MOB1B: variants seen among roughly 807,000 people sequenced by gnomAD.
The protein encoded by MOB1B is MOB kinase activator 1B.
Under a neutral mutation model 24.4 loss-of-function variants are expected in MOB1B, and 19 were observed. That is an observed-to-expected ratio of 0.78 (90% CI 0.54 to 1.14). The LOEUF (loss-of-function observed/expected upper bound fraction) is 1.14, where lower values mean the gene tolerates loss of function less well. MOB1B is among the 50% of genes most tolerant of loss of function. The pLI, the probability that MOB1B is intolerant of heterozygous loss-of-function variation, is 0.00. For missense variants in MOB1B, 243 were observed against 259.6 expected, an observed-to-expected ratio of 0.94 and a Z score of 0.44; for synonymous variants, 76 against 82.1, an observed-to-expected ratio of 0.93 and a Z score of 0.40.
At chr4:70,952,621 C>T (rs1242317155) in intron 1 of MOB1B, among the ~76,000 whole-genome samples, 44 of 132,822 alleles carry the variant, frequency 3.3e-4, no homozygotes, top group African/African-American at 4.4e-4. Context: ...CCAGCCTGGG[C>T]GACAGAGCGA....
intron 1 of MOB1B, among the ~76,000 whole-genome samples, chr4:70,905,664 A>G (rs145923476): frequency 3.9e-5 from 6 of 152,260 alleles, no homozygotes; most frequent in African/African-American, 1.4e-4. Flanking sequence ...CGATCAGTGG[A>G]TGGAGCAGAG....
intron 1 of MOB1B, among the ~76,000 whole-genome samples, chr4:70,908,893 T>C (rs576718915): frequency 6.8e-4 from 99 of 145,244 alleles, no homozygotes; most frequent in African/African-American, 2.3e-3. Flanking sequence ...CTACTAAAAA[T>C]AGAAAAAAGT....
intron 1 of MOB1B, among the ~76,000 whole-genome samples, chr4:70,943,434 A>G (rs1350685287): frequency 6.6e-6 from 1 of 152,196 alleles, no homozygotes. Context: ...ATCATTTCTT[A>G]TAGTTAATCA....
intron 4 of MOB1B, 116 bp downstream of exon 4, chr4:70,975,402 AT>A: frequency 6.8e-7 from 1 of 1,467,140 alleles, no homozygotes; most frequent in Admixed American, 2.5e-5. Context: ...CTGTGTTGAT[AT>A]ATGTATATGT....
chr4:70,913,029 A>C (rs1411640457), intron 1 of MOB1B, among the ~76,000 whole-genome samples: 2 of 152,234 alleles, frequency 1.3e-5, no homozygotes, highest in Non-Finnish European at 2.9e-5. Flanking sequence ...AAGTGCCGGC[A>C]TTACAGGTGT....
chr4:70,958,751 A>G, intron 1 of MOB1B, 123 bp from the exon 2 acceptor site: 1 of 952,730 alleles, frequency 1.0e-6, no homozygotes, highest in South Asian at 1.3e-5. Flanking sequence ...AGAGCACAGT[A>G]GTTACAGCAA....
intron 2 of MOB1B, 102 bp from the exon 3 acceptor site, chr4:70,969,829 A>T: frequency 5.6e-6 from 3 of 536,038 alleles, no homozygotes; most frequent in Non-Finnish European, 9.8e-6. Flanking sequence ...TGTTCTTTGT[A>T]GGGGAACGAA....
At chr4:70,953,876 G>T (rs780270192) in intron 1 of MOB1B, among the ~76,000 whole-genome samples, 1 of 152,078 alleles carries the variant, frequency 6.6e-6, no homozygotes, top group Non-Finnish European at 1.5e-5. Context: ...CTTGGGAGGC[G>T]GAGGTTTCAA....
chr4:70,976,999 T>C (rs1739033869), intron 4 of MOB1B, among the ~76,000 whole-genome samples: 1 of 152,060 alleles, frequency 6.6e-6, no homozygotes, highest in Non-Finnish European at 1.5e-5. Context: ...CTTTCACACA[T>C]ACACATACAT....
At chr4:70,959,867 CT>C (rs747774121) in intron 2 of MOB1B, among the ~76,000 whole-genome samples, 3 of 151,892 alleles carry the variant, frequency 2.0e-5, no homozygotes, top group Non-Finnish European at 2.9e-5. Context: ...AGTTATTTGT[CT>C]AATTGTGCTT....
intron 1 of MOB1B, among the ~76,000 whole-genome samples, chr4:70,940,680 T>A (rs1193241530): frequency 6.6e-6 from 1 of 151,592 alleles, no homozygotes; most frequent in Admixed American, 6.6e-5. Flanking sequence ...GCATTAATTT[T>A]TTTTTTTTTT....
intron 1 of MOB1B, among the ~76,000 whole-genome samples, chr4:70,938,581 A>G (rs1437990471): frequency 1.3e-5 from 2 of 151,980 alleles, no homozygotes; most frequent in African/African-American, 4.8e-5. Context: ...TTGGGGTGGT[A>G]CAGAAGCCCA....
chr4:70,967,920 T>A (rs907272858), intron 2 of MOB1B, among the ~76,000 whole-genome samples: 1 of 152,152 alleles, frequency 6.6e-6, no homozygotes, highest in Non-Finnish European at 1.5e-5. Context: ...CTTTGAACTT[T>A]CCTGGCTCAA....
intron 1 of MOB1B, among the ~76,000 whole-genome samples, chr4:70,929,974 T>G (rs969342673): frequency 6.6e-6 from 1 of 152,062 alleles, no homozygotes; most frequent in African/African-American, 2.4e-5. Context: ...AGGGTGGTCT[T>G]GAAGTCCTGG....
chr4:70,945,962 G>A (rs1181217127), intron 1 of MOB1B, among the ~76,000 whole-genome samples: 1 of 151,804 alleles, frequency 6.6e-6, no homozygotes, highest in African/African-American at 2.4e-5. Context: ...TTCCTATCGG[G>A]CTGGCTTCTG....
At chr4:70,939,215 T>C (rs987805679) in intron 1 of MOB1B, among the ~76,000 whole-genome samples, 1 of 152,218 alleles carries the variant, frequency 6.6e-6, no homozygotes, top group African/African-American at 2.4e-5. Context: ...AAGAAAACTA[T>C]TGAAGATGTT....
At chr4:70,906,793 G>A (rs1735768555) in intron 1 of MOB1B, among the ~76,000 whole-genome samples, 1 of 152,152 alleles carries the variant, frequency 6.6e-6, no homozygotes, top group Non-Finnish European at 1.5e-5. Context: ...AACTTCACAG[G>A]GACCTCATTT....
intron 1 of MOB1B, among the ~76,000 whole-genome samples, chr4:70,915,056 C>T (rs17686544): frequency 1.5e-3 from 234 of 152,268 alleles, no homozygotes; most frequent in African/African-American, 5.5e-3. Context: ...GACTTATGTG[C>T]GACAGTGATA....
intron 1 of MOB1B, among the ~76,000 whole-genome samples, chr4:70,911,154 A>G (rs1024293393): frequency 6.6e-6 from 1 of 152,078 alleles, no homozygotes; most frequent in Non-Finnish European, 1.5e-5. Context: ...ATGGATTTCC[A>G]CCGTGCGTAG....
Sources: gnomAD v4.1 joint callset for allele counts (sites outside exome capture counted in the v4.1 genomes callset) on GRCh38, gnomAD v4.1.1 for gene constraint, MANE v1.5 for transcripts, NCBI Gene and HGNC (gene_info 2026-07-23, HGNC 2026-07-21) for gene names.